ARHGAP22: variants seen among roughly 807,000 people sequenced by gnomAD.
The protein encoded by ARHGAP22 is rho GTPase-activating protein 22.
Under a neutral mutation model 59.1 loss-of-function variants are expected in ARHGAP22, and 48 were observed. The observed-to-expected ratio is 0.81, with a 90% CI of 0.64 to 1.03. The LOEUF is 1.03. Among genes scored for constraint, ARHGAP22 ranks in the 50% least tolerant of loss-of-function variants. The pLI is 0.00. For missense variants in ARHGAP22, 1,015 were observed against 958.7 expected (o/e 1.06, Z -0.78); for synonymous variants, 445 against 416.4 (o/e 1.07, Z -0.84).
chr10:48,446,036 T>C lies in ARHGAP22; in HGVS notation c.*355A>G. On this transcript the variant is annotated 3_prime_UTR_variant, in exon 10 of 10. Coordinates refer to ENST00000249601, the MANE Select transcript of ARHGAP22 (RefSeq NM_021226.4). ...AAATGAGCCAGGTAACAAGGCACCA[T>C]GCTTTGTGAGCACATTTAATAAAGA... 1 of 318,404 alleles carries C rather than the reference T, an allele frequency of 3.1e-6. No homozygotes were observed. The highest frequency in any genetic ancestry group is 5.8e-6 in the Non-Finnish European group (1 of 173,466). The allele number at this position is 318,404 out of a possible 1,614,324, so 19.7% of individuals were successfully genotyped here. A position where few individuals can be genotyped will look rare whatever the true frequency, so the allele number is the denominator to read the frequency against.
At chr10:48,609,218 G>A (rs181101866), upstream of ARHGAP22, among the ~76,000 whole-genome samples, 284 of 152,280 alleles carry the variant, frequency 1.9e-3, 3 homozygotes, top group Non-Finnish European at 2.2e-3. Context: ...CCTGTTCTAG[G>A]CAGAGGATGC....
At chr10:48,655,249 GTGT>G (rs2062764987), upstream of ARHGAP22, among the ~76,000 whole-genome samples, 13 of 10,808 alleles carry the variant, frequency 1.2e-3, 1 homozygote, top group Admixed American at 3.2e-3. Flanking sequence ...GGATGTGTGT[GTGT>G]GTGTGGGGGG....
In ARHGAP22 at chr10:48,479,776, G is replaced by A. The variant is rs761967377; in HGVS notation, c.323-12C>T. 1.3e-6 allele frequency: 2 copies of A among 1,570,194 alleles called. No homozygotes were observed. Among genetic ancestry groups the A allele is most frequent in the Non-Finnish European group, 1.7e-6 (2 of 1,156,410 alleles). On this transcript the variant is annotated splice_polypyrimidine_tract_variant and intron_variant, in intron 3 of 9. Coordinates refer to ENST00000249601, the MANE Select transcript of ARHGAP22 (RefSeq NM_021226.4). ...CTCCCCGGCACCACCTGCAAGACAG[G>A]GAGACACAGGCTTACGCAGGGTCCC...
intron 1 of ARHGAP22, among the ~76,000 whole-genome samples, chr10:48,622,209 T>G (rs2061308664): frequency 6.6e-6 from 1 of 152,220 alleles, no homozygotes. Flanking sequence ...GTGATGTATC[T>G]TTTTTTGTTC....
chr10:48,455,819 G>A (rs2046441776), intron 5 of ARHGAP22, among the ~76,000 whole-genome samples: 2 of 152,216 alleles, frequency 1.3e-5, no homozygotes, highest in African/African-American at 2.4e-5. Context: ...TTGTTGGGGA[G>A]CAGGTATCCG....
chr10:48,517,389 AG>A (rs2053390858), intron 3 of ARHGAP22, among the ~76,000 whole-genome samples: 1 of 152,154 alleles, frequency 6.6e-6, no homozygotes, highest in African/African-American at 2.4e-5. Context: ...GAGATATTTT[AG>A]GGGTTCATTT....
intron 5 of ARHGAP22, among the ~76,000 whole-genome samples, chr10:48,458,853 C>G (rs531673211): frequency 2.0e-5 from 3 of 152,260 alleles, no homozygotes; most frequent in African/African-American, 7.2e-5. Context: ...CTGGACTCCA[C>G]ATCTAAGGAG....
intron 2 of ARHGAP22, 66 bp downstream of exon 2, chr10:48,582,887 G>A: frequency 6.4e-7 from 1 of 1,567,688 alleles, no homozygotes; most frequent in Middle Eastern, 1.7e-4. Context: ...CTTCTCCTGG[G>A]CATGGTCTTC....
At chr10:48,623,467 G>A (rs956967276) in intron 1 of ARHGAP22, among the ~76,000 whole-genome samples, 6 of 152,352 alleles carry the variant, frequency 3.9e-5, no homozygotes, top group African/African-American at 1.2e-4. Context: ...TCTGTTGAGT[G>A]AATGATTGTC....
chr10:48,590,779 G>A (rs945022526), intron 1 of ARHGAP22, among the ~76,000 whole-genome samples: 3 of 152,090 alleles, frequency 2.0e-5, no homozygotes, highest in African/African-American at 4.8e-5. Context: ...TGGGGACTCT[G>A]GAGGTGGTCA....
chr10:48,536,101 G>A (rs1354046197), intron 3 of ARHGAP22, among the ~76,000 whole-genome samples: 2 of 152,232 alleles, frequency 1.3e-5, no homozygotes, highest in African/African-American at 4.8e-5. Flanking sequence ...GTTCCTCGGG[G>A]TTTTGCTGCA....
upstream of ARHGAP22, among the ~76,000 whole-genome samples, chr10:48,606,886 C>A (rs140701457): frequency 1.8e-3 from 280 of 152,316 alleles, 4 homozygotes; most frequent in Middle Eastern, 3.4e-3. Context: ...CCCAGGCTGA[C>A]TCAGGCCAGA....
intron 3 of ARHGAP22, among the ~76,000 whole-genome samples, chr10:48,534,500 C>T (rs982283989): frequency 7.2e-5 from 11 of 152,186 alleles, no homozygotes; most frequent in African/African-American, 2.7e-4. Flanking sequence ...CCAAAGGGGA[C>T]AGGTACTTCC....
chr10:48,537,736 C>G (rs556031765), intron 3 of ARHGAP22, among the ~76,000 whole-genome samples: 1 of 152,230 alleles, frequency 6.6e-6, no homozygotes, highest in Non-Finnish European at 1.5e-5. Flanking sequence ...TCCCACCTGA[C>G]CGCAGGCCTC....
At chr10:48,479,441 G>A (rs2134067892) in intron 4 of ARHGAP22, 195 bp downstream of exon 4, 1 of 927,104 alleles carries the variant, frequency 1.1e-6, no homozygotes, top group East Asian at 2.7e-5. Context: ...TTCAATAAAG[G>A]AGGAAGTGAG....
At chr10:48,559,592 C>T (rs1397981783) in intron 2 of ARHGAP22, among the ~76,000 whole-genome samples, 1 of 152,212 alleles carries the variant, frequency 6.6e-6, no homozygotes, top group Non-Finnish European at 1.5e-5. Context: ...TTTCTGTATG[C>T]TGTTCCCATT....
intron 3 of ARHGAP22, among the ~76,000 whole-genome samples, chr10:48,527,396 T>A (rs748569370): frequency 1.9e-4 from 28 of 147,646 alleles, no homozygotes; most frequent in Non-Finnish European, 4.2e-4. Flanking sequence ...TGGATGTAGG[T>A]GTGGATAGAT....
At chr10:48,526,439 G>A (rs1643601163) in intron 3 of ARHGAP22, among the ~76,000 whole-genome samples, 1 of 152,226 alleles carries the variant, frequency 6.6e-6, no homozygotes, top group African/African-American at 2.4e-5. Flanking sequence ...ATGACACATA[G>A]GTGGGGGTTA....
At chr10:48,577,380 C>G (rs983826204) in intron 2 of ARHGAP22, among the ~76,000 whole-genome samples, 4 of 152,262 alleles carry the variant, frequency 2.6e-5, no homozygotes, top group Middle Eastern at 3.4e-3. Flanking sequence ...TCTGCTGAAC[C>G]AGGCCTATCA....
Sources: allele counts gnomAD v4.1 joint callset (sites outside exome capture counted in the v4.1 genomes callset), GRCh38; gene constraint gnomAD v4.1.1; transcripts MANE v1.5; gene names NCBI Gene and HGNC (gene_info 2026-07-23, HGNC 2026-07-21).